Variants in MAST4 observed in about 807,000 individuals in gnomAD.
The protein encoded by MAST4 is microtubule-associated serine/threonine-protein kinase 4.
Under a neutral mutation model 162.7 loss-of-function variants are expected in MAST4, and 89 were observed. The observed-to-expected ratio is 0.55, with a 90% confidence interval of 0.46 to 0.65. MAST4 has a LOEUF of 0.65. Among genes scored for constraint, MAST4 ranks in the 30% least tolerant of loss-of-function variants. MAST4 has a pLI of 0.00. For missense variants in MAST4, 3,153 were observed against 3,374.0 expected (o/e 0.93, Z 1.62); for synonymous variants, 1,479 against 1,361.1 (o/e 1.09, Z -1.91).
At chr5:66,941,711 C>T (rs1214022627) in intron 4 of MAST4, among the ~76,000 whole-genome samples, 2 of 152,154 alleles carry the variant, frequency 1.3e-5, no homozygotes, top group Non-Finnish European at 2.9e-5. Flanking sequence ...GAAGGTCTAG[C>T]TTTCCGTCTT....
At position 66,986,496 on chromosome 5, in the gene MAST4, A is replaced by C. The variant is rs1415534188; in HGVS notation, c.675-67908A>C. 2.6e-6 allele frequency: 4 copies of C among 1,565,508 alleles called. No homozygotes were observed. In the East Asian group the frequency reaches 9.3e-5, roughly 36 times the overall value. ...ATCACCCCTTGGATGAATTGCCACC[A>C]CATTAAATAAAACATATCCAAAGCT... On this transcript the variant is annotated intron_variant, in intron 4 of 28. Coordinates refer to ENST00000403625, the MANE Select transcript of MAST4 (RefSeq NM_001164664.2).
At chr5:67,107,306 T>A (rs1487575887) in intron 10 of MAST4, among the ~76,000 whole-genome samples, 1 of 152,184 alleles carries the variant, frequency 6.6e-6, no homozygotes, top group Non-Finnish European at 1.5e-5. Context: ...TAAAATAAAA[T>A]CTTACGGTTT....
chr5:66,864,487 T>C (rs41185), intron 3 of MAST4, among the ~76,000 whole-genome samples: 82,714 of 151,526 alleles, frequency 0.55, 23,762 homozygotes, highest in Non-Finnish European at 0.64. Flanking sequence ...GCAGGGGAGG[T>C]ATGGGAGGAA....
chr5:66,750,271 A>C (rs1753051814), intron 1 of MAST4, among the ~76,000 whole-genome samples: 1 of 152,196 alleles, frequency 6.6e-6, no homozygotes, highest in Admixed American at 6.5e-5. Context: ...TGAGTCTTTA[A>C]AATGCATGTG....
intron 4 of MAST4, among the ~76,000 whole-genome samples, chr5:66,954,528 A>G (rs950972692): frequency 6.6e-6 from 1 of 152,028 alleles, no homozygotes; most frequent in African/African-American, 2.4e-5. Flanking sequence ...CACACAACAC[A>G]CTTGCCTTCT....
In MAST4 at chr5:67,166,929, A is replaced by G. The variant is rs1039511259; in HGVS notation, c.7750A>G (p.Lys2584Glu). The G allele has an allele frequency of 1.4e-5, 23 of 1,611,992 alleles. No homozygotes were observed. Among genetic ancestry groups the G allele is most frequent in the Non-Finnish European group, 1.9e-5 (22 of 1,179,454 alleles). ...RKQNVGRDVTKPSPAPNTDRP... is the reference protein window; with the variant it reads ...RKQNVGRDVTEPSPAPNTDRP... Reference sequence around the variant, plus strand: ...ACAGAACGTGGGCAGAGACGTGACCAAGCCATCCCCAGCCCCAAACACTGA... The same window carrying G: ...ACAGAACGTGGGCAGAGACGTGACCGAGCCATCCCCAGCCCCAAACACTGA... Residue 2584 changes from lysine (K) to glutamate (E), a missense_variant, in exon 29 of 29, where the codon AAG becomes GAG. Physicochemically the swap from Lys to Glu is moderately conservative, Grantham distance 56. This residue lies in a region of MAST4 where 1,644 missense variants were observed against 1,495.0 expected (regional missense o/e 1.10). Coordinates refer to ENST00000403625, the MANE Select transcript of MAST4 (RefSeq NM_001164664.2).
chr5:66,956,415 T>C (rs1415408213), intron 4 of MAST4, among the ~76,000 whole-genome samples: 1 of 152,178 alleles, frequency 6.6e-6, no homozygotes, highest in African/African-American at 2.4e-5. Context: ...CTGATGATCA[T>C]GGCTTAGATT....
rs1773673365 is a variant in MAST4 at position 67,164,814 on chromosome 5, C to G, written c.5635C>G (p.Pro1879Ala). 3 of 1,614,020 alleles carry G rather than the reference C, an allele frequency of 1.9e-6. No individual in the cohort carries two copies. Among genetic ancestry groups the G allele is most frequent in the Non-Finnish European group, 2.5e-6 (3 of 1,179,900 alleles). The change falls in exon 29 of 29, where the codon CCC becomes GCC. Residue 1879 changes from proline (P) to alanine (A), a missense_variant. Around this residue, in one of 7 missense-constraint regions of MAST4, gnomAD observed 1,644 missense variants for 1,495.0 expected, o/e 1.10. Transcript: ENST00000403625. The surrounding 1 kb of genome is among the most constrained non-coding windows in gnomAD (Gnocchi z 5.3). ...CCTGCTGGAGCCTTGGTTCCTGCCC[C>G]CCAGCCGAGGTCTCCAGAATTCACC... is the stretch of plus-strand genomic sequence containing the variant. Reference protein sequence around the residue: ...SYLLEPWFLPPSRGLQNSPAV... With the variant: ...SYLLEPWFLPASRGLQNSPAV...
At chr5:66,629,680 C>T (rs1744673475) in intron 1 of MAST4, among the ~76,000 whole-genome samples, 1 of 152,178 alleles carries the variant, frequency 6.6e-6, no homozygotes, top group Admixed American at 6.6e-5. Flanking sequence ...AAGGAATCGT[C>T]TGCCCATGGC....
intron 3 of MAST4, among the ~76,000 whole-genome samples, chr5:66,801,242 T>C (rs969388264): frequency 1.3e-5 from 2 of 152,206 alleles, no homozygotes; most frequent in Non-Finnish European, 2.9e-5. Context: ...GGACATTTAC[T>C]GTAGAATTTC....
At chr5:66,928,799 A>G (rs1004058299) in intron 4 of MAST4, among the ~76,000 whole-genome samples, 1 of 152,184 alleles carries the variant, frequency 6.6e-6, no homozygotes, top group African/African-American at 2.4e-5. Context: ...AAAGATGCAG[A>G]GGGACACTCT....
At chr5:67,104,183 T>C (rs1490610777) in intron 9 of MAST4, among the ~76,000 whole-genome samples, 183 bp from the exon 10 acceptor site, 1 of 152,212 alleles carries the variant, frequency 6.6e-6, no homozygotes, top group Non-Finnish European at 1.5e-5. Context: ...TTCAGACAAA[T>C]GTCTGATGAC....
At chr5:66,799,986 T>A in intron 3 of MAST4, among the ~76,000 whole-genome samples, 1 of 152,196 alleles carries the variant, frequency 6.6e-6, no homozygotes, top group Non-Finnish European at 1.5e-5. Flanking sequence ...AAGAACACAA[T>A]AAATATTAAC....
At chr5:67,101,263 G>A (rs1373903168) in intron 8 of MAST4, among the ~76,000 whole-genome samples, 4 of 152,188 alleles carry the variant, frequency 2.6e-5, no homozygotes, top group Non-Finnish European at 5.9e-5. Context: ...AGCCTTAGCC[G>A]ACTCCATGGA....
chr5:67,039,216 ATTTCT>A (rs1187842324), intron 4 of MAST4, among the ~76,000 whole-genome samples: 2 of 152,176 alleles, frequency 1.3e-5, no homozygotes, highest in East Asian at 3.8e-4. Flanking sequence ...AGTACCGTTG[ATTTCT>A]TTTCAGTAAG....
intron 3 of MAST4, among the ~76,000 whole-genome samples, chr5:66,894,906 G>T (rs564704203): frequency 6.6e-6 from 1 of 152,098 alleles, no homozygotes; most frequent in South Asian, 2.1e-4. Context: ...GGAAGCTGGG[G>T]CAGAGACCCA....
Position 66,986,600 on chromosome 5 carries a change from T to TTATA in MAST4, c.675-67788_675-67785dup, listed in dbSNP as rs548477839. 9.3e-3 allele frequency: 1,996 copies of TTATA among 214,006 alleles called. 55 individuals carry two copies. Among genetic ancestry groups the TTATA allele is most frequent in the African/African-American group, 0.041 (1,635 of 39,694 alleles). The allele number at this position is 214,006 out of a possible 1,614,324, so 13.3% of individuals were successfully genotyped here. Reference sequence around the variant, plus strand: ...ATATTAAAAATATATATGTATGAATTTATATATATATATATATATTTATTT... The same window carrying TTATA: ...ATATTAAAAATATATATGTATGAATTTATATATATATATATATATATATTTATTT... On this transcript the variant is annotated intron_variant, in intron 4 of 28. Transcript: ENST00000403625.
At chr5:66,701,322 C>G (rs1460240403) in intron 1 of MAST4, among the ~76,000 whole-genome samples, 2 of 152,328 alleles carry the variant, frequency 1.3e-5, no homozygotes, top group Non-Finnish European at 2.9e-5. Context: ...GAAACTGCTA[C>G]TCAATGTCTT....
intron 1 of MAST4, among the ~76,000 whole-genome samples, chr5:66,679,048 T>A (rs913561447): frequency 6.6e-6 from 1 of 152,238 alleles, no homozygotes; most frequent in Admixed American, 6.5e-5. Context: ...TGCCTCGGCC[T>A]CCTGAAGTCT....
Sources: gnomAD v4.1 joint callset for allele counts (sites outside exome capture counted in the v4.1 genomes callset) on GRCh38, gnomAD v4.1.1 for gene constraint, gnomAD v4.1.1 regional missense constraint, Gnocchi (gnomAD v3.1) non-coding constraint, MANE v1.5 for transcripts, NCBI Gene and HGNC (gene_info 2026-07-23, HGNC 2026-07-21) for gene names.